COL16A1: variants seen among roughly 807,000 people sequenced by gnomAD.
The protein encoded by COL16A1 is collagen type XVI alpha 1 chain, also known as collagen alpha-1(XVI) chain.
A neutral mutation model predicts 266.3 loss-of-function variants in COL16A1; 189 were observed. The observed-to-expected ratio is 0.71, with a 90% confidence interval of 0.63 to 0.80. The LOEUF (loss-of-function observed/expected upper bound fraction) is 0.80, where lower values mean the gene tolerates loss of function less well. COL16A1 is among the 30% of genes least tolerant of loss of function. The probability of loss-of-function intolerance (pLI) is 0.00; values close to 1 mark genes in which losing one functional copy is unlikely to be tolerated. For synonymous variants in COL16A1, 740 were observed against 782.3 expected (o/e 0.95, Z 0.90); for missense variants, 1,928 against 2,122.4 (o/e 0.91, Z 1.80).
chr1:31,691,432 TC>T lies in COL16A1; in HGVS notation c.1382del (p.Gly461AspfsTer39). 3.7e-6 allele frequency: 6 copies of T among 1,612,204 alleles called. No individual in the cohort carries two copies. Among genetic ancestry groups the T allele is most frequent in the Non-Finnish European group, 5.1e-6 (6 of 1,179,008 alleles). ...GGGTACTCACCGGGGTCCCAGGCAGTCCTATCCCAGGGGGTCCAGGGAGGCC... is the reference window on the plus strand; with the variant it reads ...GGGTACTCACCGGGGTCCCAGGCAGTCTATCCCAGGGGGTCCAGGGAGGCC... ...PPGLPGPPGI[G>X]LPGTPGDPGG... On this transcript the variant is annotated frameshift_variant, in exon 19 of 71. Coordinates refer to ENST00000373672, the MANE Select transcript of COL16A1 (RefSeq NM_001856.4). LOFTEE classifies it high-confidence loss of function.
At position 31,657,292 on chromosome 1, in the gene COL16A1, A is replaced by G. The variant is rs1006749568; in HGVS notation, c.4021-224T>C. 2 of 596,556 alleles carry G rather than the reference A, an allele frequency of 3.4e-6. No homozygotes were observed. Among genetic ancestry groups the G allele is most frequent in the Admixed American group, 5.8e-5 (2 of 34,664 alleles). The allele number at this position is 596,556 out of a possible 1,614,324, so 37.0% of individuals were successfully genotyped here. A position where few individuals can be genotyped will look rare whatever the true frequency, so the allele number is the denominator to read the frequency against. Reference sequence around the variant, plus strand: ...CCAACAGCTCCCAGCCCCCGTCTACAAGAGCTTTACAAGGGAAGAACAGAC... The same window carrying G: ...CCAACAGCTCCCAGCCCCCGTCTACGAGAGCTTTACAAGGGAAGAACAGAC... On this transcript the variant is annotated intron_variant, in intron 64 of 70. Transcript: ENST00000373672. This position sits in a 1 kb window ranked among gnomAD's most constrained non-coding sequence, Gnocchi z 6.4.
intron 69 of COL16A1, 49 bp from the exon 70 acceptor site, chr1:31,653,725 A>G (rs1570314190): frequency 1.3e-6 from 2 of 1,592,098 alleles, no homozygotes. Context: ...GAAAAATGAC[A>G]CAGCCAGTCA....
intron 4 of COL16A1, 106 bp downstream of exon 4, chr1:31,699,707 C>A (rs113721647): frequency 0.024 from 18,574 of 759,994 alleles, 1,513 homozygotes; most frequent in African/African-American, 0.22. Flanking sequence ...GGCTGGGATG[C>A]AATGACCCAC....
At chr1:31,659,069 A>G (rs1238462459) in intron 62 of COL16A1, 105 bp from the exon 63 acceptor site, 2 of 1,065,532 alleles carry the variant, frequency 1.9e-6, no homozygotes, top group Non-Finnish European at 2.8e-6. Context: ...CAGCAGCTCC[A>G]TTTCCTCTGG....
At chr1:31,673,154 C>A in intron 44 of COL16A1, 1 of 421,558 alleles carries the variant, frequency 2.4e-6, no homozygotes. Flanking sequence ...GCTGTTCCTG[C>A]AACCTGCACC....
rs1250799621 is a variant in COL16A1 at position 31,658,562 on chromosome 1, G to A, written c.3946C>T (p.Arg1316Ter). 16 of 1,603,946 alleles carry A rather than the reference G, an allele frequency of 1.0e-5. No homozygotes were observed. The highest frequency in any genetic ancestry group is 1.3e-5 in the African/African-American group (1 of 74,864). Residue 1316 changes from arginine to a stop codon, truncating the protein, a stop_gained, in exon 64 of 71, where the codon CGA becomes TGA. Coordinates refer to ENST00000373672, the MANE Select transcript of COL16A1 (RefSeq NM_001856.4). LOFTEE classifies it high-confidence loss of function. ...AGGCCCCTTTCTCCGGTGGCTCCTCGGTCTCCTTTCAGACCCTAGAGAATA... is the reference window on the plus strand; with the variant it reads ...AGGCCCCTTTCTCCGGTGGCTCCTCAGTCTCCTTTCAGACCCTAGAGAATA... ...GISAVGLKGD[R>*]GATGERGLAG...
rs1303632180 is a variant in COL16A1 at position 31,684,811 on chromosome 1, G to A, written c.2052+10C>T. The A allele has an allele frequency of 9.3e-6, 15 of 1,613,920 alleles. No individual in the cohort carries two copies. The highest frequency in any genetic ancestry group is 1.6e-4 in the Middle Eastern group (1 of 6,082). On this transcript the variant is annotated intron_variant, in intron 30 of 70. Coordinates refer to ENST00000373672, the MANE Select transcript of COL16A1 (RefSeq NM_001856.4). The stretch of plus-strand genomic sequence containing the variant: ...CATGCCCACCCCCGTGCCCACGGAC[G>A]CCCTCTCACCTTCTGCCCCTTCAGT...
At chr1:31,666,782 C>T (rs935320042) in intron 52 of COL16A1, among the ~76,000 whole-genome samples, 1 of 152,152 alleles carries the variant, frequency 6.6e-6, no homozygotes, top group Non-Finnish European at 1.5e-5. Flanking sequence ...GGCCTTCCTG[C>T]CCCTCCGCTT....
intron 12 of COL16A1, 185 bp from the exon 13 acceptor site, chr1:31,693,339 CT>C: frequency 1.6e-6 from 1 of 606,854 alleles, no homozygotes; most frequent in Admixed American, 2.7e-5. Flanking sequence ...GATTCCACAC[CT>C]GTTCATCCAC....
chr1:31,654,971 C>CA, intron 67 of COL16A1, 113 bp from the exon 68 acceptor site: 1 of 411,826 alleles, frequency 2.4e-6, no homozygotes, highest in Non-Finnish European at 3.4e-6. Flanking sequence ...CCCACAGATT[C>CA]TTTTTTTTTT....
intron 3 of COL16A1, 45 bp downstream of exon 3, chr1:31,699,996 G>C (rs752593334): frequency 3.1e-6 from 5 of 1,610,714 alleles, no homozygotes; most frequent in Non-Finnish European, 4.2e-6. Context: ...ATCACTCCCA[G>C]AGGAAGGTTG....
chr1:31,680,052 GAGA>G lies in COL16A1; in HGVS notation c.2657_2659del (p.Phe886del). ...CACAGCGCCACTTACCGGCATGCCAGAGAAGATGAGGTCTCCTTGAGAGGGGCA... is the reference window on the plus strand; with the variant it reads ...CACAGCGCCACTTACCGGCATGCCAGAGATGAGGTCTCCTTGAGAGGGGCA... On this transcript the variant is annotated inframe_deletion, in exon 40 of 71. Transcript: ENST00000373672. 1.9e-6 allele frequency: 3 copies of G among 1,613,974 alleles called. No individual in the cohort carries two copies. Among genetic ancestry groups the G allele is most frequent in the Non-Finnish European group, 2.5e-6 (3 of 1,179,948 alleles).
intron 64 of COL16A1, 143 bp downstream of exon 64, chr1:31,658,345 A>C: frequency 1.4e-6 from 1 of 735,920 alleles, no homozygotes; most frequent in Non-Finnish European, 2.3e-6. Flanking sequence ...CATGATCCTC[A>C]GGCCCGAACG....
intron 42 of COL16A1, among the ~76,000 whole-genome samples, chr1:31,678,504 C>T (rs985155657): frequency 2.6e-5 from 4 of 152,226 alleles, no homozygotes; most frequent in African/African-American, 9.6e-5. Context: ...TACTCCATCG[C>T]TCAGAGCCTC....
At chr1:31,676,145 C>T (rs1187928951) in intron 42 of COL16A1, among the ~76,000 whole-genome samples, 4 of 152,048 alleles carry the variant, frequency 2.6e-5, no homozygotes, top group Admixed American at 2.0e-4. Context: ...GCCAACATGG[C>T]GAAACCCCGT....
intron 40 of COL16A1, 60 bp from the exon 41 acceptor site, chr1:31,679,911 G>C: frequency 1.3e-6 from 2 of 1,528,970 alleles, no homozygotes; most frequent in Non-Finnish European, 1.8e-6. Flanking sequence ...TCTACACCAA[G>C]CGCGGGGCTG....
chr1:31,676,798 G>A (rs934763814), intron 42 of COL16A1, among the ~76,000 whole-genome samples: 1 of 152,260 alleles, frequency 6.6e-6, no homozygotes, highest in Non-Finnish European at 1.5e-5. Context: ...TGGAGGAGAT[G>A]TGCAGTAAGT....
rs1232964877 is a variant in COL16A1, at chr1:31,656,681, C to G, written c.4057-237G>C. 6.6e-6 allele frequency among the ~76,000 whole-genome samples: 1 copy of G among 152,062 alleles called. No homozygotes were observed. The highest frequency in any genetic ancestry group is 2.1e-4 in the South Asian group (1 of 4,824). On this transcript the variant is annotated intron_variant, in intron 65 of 70. Transcript: ENST00000373672. This position sits in a 1 kb window ranked among gnomAD's most constrained non-coding sequence, Gnocchi z 4.2. ...GGCCCCCATCACAGATGAAGAGAGG[C>G]GAGAAGTCAGAATGAGAGGGCCAGT...
At chr1:31,687,891 G>A (rs1644070422) in intron 26 of COL16A1, among the ~76,000 whole-genome samples, 1 of 152,178 alleles carries the variant, frequency 6.6e-6, no homozygotes, top group African/African-American at 2.4e-5. Flanking sequence ...TGCATTAGAA[G>A]TTCAAGCCTG....
Sources: allele counts gnomAD v4.1 joint callset (sites outside exome capture counted in the v4.1 genomes callset), GRCh38; gene constraint gnomAD v4.1.1; non-coding constraint Gnocchi (gnomAD v3.1); transcripts MANE v1.5; gene names NCBI Gene and HGNC (gene_info 2026-07-23, HGNC 2026-07-21).